The following CLIC5 variants were observed in gnomAD, a reference collection of about 807,000 sequenced individuals.
CLIC5 encodes chloride intracellular channel protein 5.
CLIC5 carries 20 observed loss-of-function variants against 24.7 expected under a neutral mutation model. That is an observed-to-expected ratio of 0.81 (90% CI 0.57 to 1.18). CLIC5 has a LOEUF of 1.18. CLIC5 is among the 50% of genes most tolerant of loss of function. The pLI, the probability that CLIC5 is intolerant of heterozygous loss-of-function variation, is 0.00. For missense variants in CLIC5, 341 were observed against 326.1 expected, an observed-to-expected ratio of 1.05 and a Z score of -0.35; for synonymous variants, 159 against 135.6, an observed-to-expected ratio of 1.17 and a Z score of -1.20.
intron 1 of CLIC5, among the ~76,000 whole-genome samples, chr6:46,035,685 G>A (rs1320336156): frequency 6.6e-6 from 1 of 152,138 alleles, no homozygotes; most frequent in Non-Finnish European, 1.5e-5. Context: ...TAGTTTGACT[G>A]GGACACTGAG....
intron 1 of CLIC5, among the ~76,000 whole-genome samples, chr6:46,078,544 A>C (rs1762834865): frequency 6.6e-6 from 1 of 152,074 alleles, no homozygotes; most frequent in Non-Finnish European, 1.5e-5. Flanking sequence ...CCTCTGTTTC[A>C]TCTCTTACTA....
the CLIC5 span, among the ~76,000 whole-genome samples, chr6:46,119,631 G>A: frequency 6.9e-4 from 105 of 152,374 alleles, no homozygotes; most frequent in African/African-American, 2.3e-3. Context: ...GAAGCAGGGC[G>A]AGGCATCGCC....
upstream of CLIC5, chr6:46,016,028 A>C (rs1467392616): frequency 5.0e-6 from 2 of 399,660 alleles, no homozygotes; most frequent in East Asian, 3.3e-4. Context: ...GTCCTGGCAA[A>C]GCCACCAAGG....
At chr6:46,069,054 T>C (rs1762517366) in intron 1 of CLIC5, among the ~76,000 whole-genome samples, 1 of 151,978 alleles carries the variant, frequency 6.6e-6, no homozygotes, top group Non-Finnish European at 1.5e-5. Flanking sequence ...TAGGCTGCAT[T>C]TGAAAGGACA....
chr6:45,948,701 T>G (rs1764366819), intron 3 of CLIC5, among the ~76,000 whole-genome samples: 1 of 152,184 alleles, frequency 6.6e-6, no homozygotes, highest in South Asian at 2.1e-4. Flanking sequence ...AACAAGAACT[T>G]ATAGCTCTAC....
chr6:45,937,555 C>T (rs962518791), intron 4 of CLIC5: 1 of 152,226 alleles, frequency 6.6e-6, no homozygotes, highest in Non-Finnish European at 1.5e-5. Context: ...ACTTGTTTTA[C>T]AGCTCCCTGT....
intron 6 of CLIC5, among the ~76,000 whole-genome samples, chr6:45,885,072 C>T (rs1018817798): frequency 6.6e-6 from 1 of 150,992 alleles, no homozygotes; most frequent in Non-Finnish European, 1.5e-5. Context: ...CCGCCCACTA[C>T]CTAATCCAAA....
At chr6:45,917,756 T>C (rs574704457) in intron 4 of CLIC5, among the ~76,000 whole-genome samples, 11 of 152,338 alleles carry the variant, frequency 7.2e-5, no homozygotes, top group East Asian at 3.9e-4. Flanking sequence ...CTGCCATCCA[T>C]AGAATTTAAT....
chr6:45,920,163 C>G, intron 4 of CLIC5: 5 of 978,128 alleles, frequency 5.1e-6, no homozygotes, highest in Non-Finnish European at 6.1e-6. Context: ...TGTTCTGCTA[C>G]CAGTGCTTGA....
At chr6:45,936,258 G>C (rs1022472800) in intron 4 of CLIC5, among the ~76,000 whole-genome samples, 1 of 138,556 alleles carries the variant, frequency 7.2e-6, no homozygotes, top group Admixed American at 7.9e-5. Context: ...ATGCTGGAGT[G>C]CAATGACGTG....
chr6:46,005,860 G>A (rs553590296), intron 1 of CLIC5, among the ~76,000 whole-genome samples: 113 of 151,598 alleles, frequency 7.5e-4, no homozygotes, highest in African/African-American at 2.5e-3. Context: ...ATCTATTGGT[G>A]CACTGATAGA....
the CLIC5 span, among the ~76,000 whole-genome samples, chr6:46,128,230 C>T: frequency 2.0e-5 from 3 of 152,306 alleles, no homozygotes; most frequent in African/African-American, 7.2e-5. Flanking sequence ...ATGAGACTCC[C>T]TAATTTAACC....
rs1270915405 is a variant in CLIC5, at chr6:45,955,296, G to A, written c.64-52C>T. On this transcript the variant is annotated intron_variant, in intron 1 of 5. Coordinates refer to ENST00000339561, the MANE Select transcript of CLIC5 (RefSeq NM_016929.5). ...AGTGGGCAGGTGCAATTAGCAAGGG[G>A]AACATAAGATTGTAACACCCAAATG... is the stretch of plus-strand genomic sequence containing the variant. 2.2e-6 allele frequency: 3 copies of A among 1,350,448 alleles called. No homozygotes were observed. In the Admixed American group the frequency reaches 5.3e-5, roughly 24 times the overall value. 83.7% of individuals were successfully genotyped at this position (1,350,448 alleles called of 1,614,324 possible).
At chr6:45,977,897 G>T (rs1341049840) in intron 1 of CLIC5, among the ~76,000 whole-genome samples, 1 of 152,168 alleles carries the variant, frequency 6.6e-6, no homozygotes, top group Non-Finnish European at 1.5e-5. Context: ...TGCTGTTCTA[G>T]GTGCAAGGGA....
downstream of CLIC5, chr6:45,880,898 A>T: frequency 2.7e-6 from 1 of 373,604 alleles, no homozygotes; most frequent in Non-Finnish European, 4.7e-6. Context: ...AATCAGAATA[A>T]TAGCAGTGTT....
downstream of CLIC5, among the ~76,000 whole-genome samples, chr6:45,895,470 C>T (rs890824790): frequency 6.6e-6 from 1 of 152,186 alleles, no homozygotes; most frequent in Non-Finnish European, 1.5e-5. Context: ...GCATATTTAA[C>T]TAACACAGAC....
intron 1 of CLIC5, among the ~76,000 whole-genome samples, chr6:46,031,723 T>G (rs1477476411): frequency 9.9e-5 from 15 of 151,680 alleles, no homozygotes. Flanking sequence ...TACATTTTGG[T>G]GCATCCATAT....
the CLIC5 span, among the ~76,000 whole-genome samples, chr6:46,118,589 C>T: frequency 6.6e-6 from 1 of 152,146 alleles, no homozygotes; most frequent in African/African-American, 2.4e-5. Flanking sequence ...AAGTATAGTG[C>T]TTTGCACCTC....
chr6:46,114,254 C>A, the CLIC5 span, among the ~76,000 whole-genome samples: 4 of 152,144 alleles, frequency 2.6e-5, 1 homozygote, highest in Admixed American at 2.6e-4. Flanking sequence ...TAAGTCCCTG[C>A]CTTTCCCCCA....
Sources: allele counts gnomAD v4.1 joint callset (sites outside exome capture counted in the v4.1 genomes callset), GRCh38; gene constraint gnomAD v4.1.1; transcripts MANE v1.5; gene names NCBI Gene and HGNC (gene_info 2026-07-23, HGNC 2026-07-21).